Variants in MARCHF1 observed in about 807,000 individuals in gnomAD.
MARCHF1 encodes membrane associated ring-CH-type finger 1.
A neutral mutation model predicts 54.2 loss-of-function variants in MARCHF1; 40 were observed. That is an observed-to-expected ratio of 0.74 (90% CI 0.57 to 0.96). The LOEUF is 0.96. MARCHF1 is among the 40% of genes least tolerant of loss of function. The probability of loss-of-function intolerance (pLI) is 0.00; values close to 1 mark genes in which losing one functional copy is unlikely to be tolerated. For synonymous variants in MARCHF1, 236 were observed against 236.3 expected (o/e 1.00, Z 0.01); for missense variants, 586 against 656.5 (o/e 0.89, Z 1.17).
chr4:164,115,094 G>T (rs909888281), intron 1 of MARCHF1, among the ~76,000 whole-genome samples: 12 of 151,976 alleles, frequency 7.9e-5, no homozygotes, highest in Admixed American at 5.9e-4. Context: ...GACAGACAAG[G>T]AAGGAAGTTT....
chr4:163,678,657 T>A (rs367864797), intron 5 of MARCHF1, among the ~76,000 whole-genome samples: 14 of 152,206 alleles, frequency 9.2e-5, no homozygotes, highest in African/African-American at 3.4e-4. Flanking sequence ...CTGACAGTAG[T>A]GCATTGAATA....
At chr4:164,321,029 G>A (rs1245504537) in intron 1 of MARCHF1, among the ~76,000 whole-genome samples, 1 of 152,126 alleles carries the variant, frequency 6.6e-6, no homozygotes, top group Admixed American at 6.6e-5. Flanking sequence ...GTGAATACAG[G>A]GGATCTGATA....
At chr4:164,330,487 A>G (rs1410378419) in intron 1 of MARCHF1, among the ~76,000 whole-genome samples, 2 of 152,206 alleles carry the variant, frequency 1.3e-5, no homozygotes, top group Non-Finnish European at 2.9e-5. Context: ...TAGCCACAAA[A>G]TGAAAGCTCC....
At chr4:164,187,993 A>T (rs891611538) in intron 1 of MARCHF1, among the ~76,000 whole-genome samples, 1 of 152,172 alleles carries the variant, frequency 6.6e-6, no homozygotes, top group African/African-American at 2.4e-5. Context: ...CTCAGATTGA[A>T]CATGGGCTCA....
intron 4 of MARCHF1, among the ~76,000 whole-genome samples, chr4:163,727,050 G>T (rs1324357806): frequency 6.6e-6 from 1 of 152,060 alleles, no homozygotes; most frequent in Admixed American, 6.5e-5. Context: ...AGTGCCTTTT[G>T]CAGCGAAGTT....
In MARCHF1 at chr4:163,653,659, A is replaced by G. The variant is rs1024650083; in HGVS notation, c.163-40266T>C. On this transcript the variant is annotated intron_variant, in intron 5 of 9. Coordinates refer to ENST00000514618, the MANE Select transcript of MARCHF1 (RefSeq NM_001394959.1). ...ACAGTTTGAATGTCAGATAGGAGAAAAAGAAAGGAAAGAAGGTAGACATCA... is the reference window on the plus strand; with the variant it reads ...ACAGTTTGAATGTCAGATAGGAGAAGAAGAAAGGAAAGAAGGTAGACATCA... 5.9e-5 allele frequency among the ~76,000 whole-genome samples: 9 copies of G among 151,826 alleles called. 1 individual carries two copies. The Middle Eastern group carries it at 0.014, about 230-fold the overall frequency.
chr4:163,722,984 C>G (rs1745528035), intron 4 of MARCHF1, among the ~76,000 whole-genome samples: 1 of 152,132 alleles, frequency 6.6e-6, no homozygotes, highest in Admixed American at 6.5e-5. Flanking sequence ...ATCCAATTTG[C>G]CAGTCTGTGT....
At chr4:163,960,786 C>T (rs1480088678) in intron 3 of MARCHF1, among the ~76,000 whole-genome samples, 1 of 149,532 alleles carries the variant, frequency 6.7e-6, no homozygotes, top group Non-Finnish European at 1.5e-5. Context: ...CAAACCTTCG[C>T]ATGTACCCTT....
At chr4:163,650,845 A>G (rs1462810534) in intron 5 of MARCHF1, among the ~76,000 whole-genome samples, 10 of 151,950 alleles carry the variant, frequency 6.6e-5, no homozygotes, top group Non-Finnish European at 1.3e-4. Context: ...AGAGTCTGAA[A>G]CAACTGGATA....
intron 1 of MARCHF1, among the ~76,000 whole-genome samples, chr4:164,248,227 T>A (rs1733017423): frequency 6.6e-6 from 1 of 152,054 alleles, no homozygotes; most frequent in Non-Finnish European, 1.5e-5. Flanking sequence ...TCGAGCTGGT[T>A]ATGTGGTTTC....
At chr4:163,584,171 G>T (rs11730120) in intron 8 of MARCHF1, 87,750 of 150,320 alleles carry the variant, frequency 0.58, 26,001 homozygotes, top group East Asian at 0.76. Flanking sequence ...CTTCTCAGCA[G>T]CATGTTTTTT....
chr4:164,090,620 A>G (rs972852340), intron 2 of MARCHF1, among the ~76,000 whole-genome samples: 10 of 152,090 alleles, frequency 6.6e-5, no homozygotes, highest in African/African-American at 2.4e-4. Context: ...AACAGAAAAA[A>G]CACATTATAA....
chr4:163,675,087 C>T (rs144904515), intron 5 of MARCHF1, among the ~76,000 whole-genome samples: 1 of 152,186 alleles, frequency 6.6e-6, no homozygotes, highest in Non-Finnish European at 1.5e-5. Context: ...AAAACCCTTA[C>T]CTAGCACATT....
intron 1 of MARCHF1, among the ~76,000 whole-genome samples, chr4:164,162,771 C>T (rs1012556321): frequency 6.6e-6 from 1 of 152,020 alleles, no homozygotes; most frequent in Non-Finnish European, 1.5e-5. Context: ...TTATCTAATA[C>T]AAGAGCTCAG....
chr4:164,023,941 C>T (rs186901369), intron 2 of MARCHF1, among the ~76,000 whole-genome samples: 178 of 152,066 alleles, frequency 1.2e-3, no homozygotes, highest in African/African-American at 4.1e-3. Context: ...TATCAAAATA[C>T]AATTTGAAGT....
intron 1 of MARCHF1, among the ~76,000 whole-genome samples, chr4:164,127,038 A>C (rs1005675824): frequency 3.3e-5 from 4 of 119,804 alleles, no homozygotes; most frequent in Non-Finnish European, 7.0e-5. Context: ...TGGGCGACAG[A>C]GTGAAACTCC....
intron 2 of MARCHF1, among the ~76,000 whole-genome samples, chr4:163,992,057 G>A (rs1301992329): frequency 7.7e-5 from 4 of 52,026 alleles, no homozygotes; most frequent in Non-Finnish European, 1.3e-4. Flanking sequence ...ATCTTTGTCA[G>A]CTGCAAAAAA....
intron 5 of MARCHF1, among the ~76,000 whole-genome samples, chr4:163,616,077 T>G (rs1741499034): frequency 1.3e-5 from 2 of 152,064 alleles, no homozygotes; most frequent in African/African-American, 4.8e-5. Flanking sequence ...TCAAAATGAA[T>G]TAAAGACTTA....
chr4:164,306,628 G>A lies in MARCHF1; in HGVS notation c.-323+77242C>T, dbSNP rs116714888. The stretch of plus-strand genomic sequence containing the variant: ...ATCTATATCTGCTGTAACAAAATGC[G>A]AGATATTCCTTCTAAAACTAAGATA... On this transcript the variant is annotated intron_variant, in intron 1 of 9. Transcript: ENST00000514618. 4.8e-3 allele frequency among the ~76,000 whole-genome samples: 737 copies of A among 152,152 alleles called. 5 individuals are homozygous for A. The highest frequency in any genetic ancestry group is 0.017 in the African/African-American group (698 of 41,520).
Sources: allele counts gnomAD v4.1 joint callset (sites outside exome capture counted in the v4.1 genomes callset), GRCh38; gene constraint gnomAD v4.1.1; transcripts MANE v1.5; gene names NCBI Gene and HGNC (gene_info 2026-07-23, HGNC 2026-07-21).